The following TMEM17 variants were observed in gnomAD, a reference collection of about 807,000 sequenced individuals.
TMEM17 encodes the protein transmembrane protein 17.
Under a neutral mutation model 19.1 loss-of-function variants are expected in TMEM17, and 15 were observed. The ratio of observed to expected loss-of-function variants is 0.78; its 90% CI spans 0.52 to 1.21. The LOEUF (loss-of-function observed/expected upper bound fraction) is 1.21, where lower values mean the gene tolerates loss of function less well. TMEM17 is among the 50% of genes most tolerant of loss of function. TMEM17 has a pLI of 0.00. For synonymous variants in TMEM17, 103 were observed against 86.9 expected (o/e 1.19, Z -1.03); for missense variants, 245 against 242.3 (o/e 1.01, Z -0.07).
the TMEM17 span, among the ~76,000 whole-genome samples, chr2:62,489,944 G>A: frequency 1.3e-5 from 2 of 152,166 alleles, no homozygotes; most frequent in African/African-American, 4.8e-5. Flanking sequence ...GGAGGTCAAG[G>A]TGGGTGGATC....
At chr2:62,484,236 C>A in the TMEM17 span, among the ~76,000 whole-genome samples, 1 of 152,242 alleles carries the variant, frequency 6.6e-6, no homozygotes, top group Non-Finnish European at 1.5e-5. Flanking sequence ...ATGGTGGGAA[C>A]CTATATCTGC....
At chr2:62,476,780 T>A in the TMEM17 span, among the ~76,000 whole-genome samples, 23 of 152,330 alleles carry the variant, frequency 1.5e-4, no homozygotes, top group Non-Finnish European at 2.8e-4. Context: ...TCTCTATGAA[T>A]GTTAAAGACT....
At chr2:62,481,174 GT>G in the TMEM17 span, among the ~76,000 whole-genome samples, 1 of 151,830 alleles carries the variant, frequency 6.6e-6, no homozygotes, top group African/African-American at 2.4e-5. Flanking sequence ...CAGGTTTTGT[GT>G]TTTTTTGTTG....
the TMEM17 span, among the ~76,000 whole-genome samples, chr2:62,475,655 G>A: frequency 6.6e-6 from 1 of 152,238 alleles, no homozygotes; most frequent in Non-Finnish European, 1.5e-5. Context: ...ATTGTAAAGA[G>A]GAGAAAAGAA....
At chr2:62,469,250 A>C in the TMEM17 span, among the ~76,000 whole-genome samples, 1 of 152,258 alleles carries the variant, frequency 6.6e-6, no homozygotes, top group African/African-American at 2.4e-5. Context: ...GAGATTGCTA[A>C]CCTCTTCCCT....
chr2:62,491,356 A>T, the TMEM17 span: 1 of 152,216 alleles, frequency 6.6e-6, no homozygotes, highest in Admixed American at 6.6e-5. Flanking sequence ...GCCTAAGGAG[A>T]GGTGAACCAG....
the TMEM17 span, among the ~76,000 whole-genome samples, chr2:62,474,899 T>C: frequency 0.11 from 16,966 of 152,104 alleles, 1,221 homozygotes; most frequent in East Asian, 0.3. Flanking sequence ...TAACTTCAGA[T>C]AATAATAATG....
chr2:62,462,162 G>A, the TMEM17 span, among the ~76,000 whole-genome samples: 2 of 152,072 alleles, frequency 1.3e-5, no homozygotes, highest in Non-Finnish European at 2.9e-5. Context: ...GTCCCAGCCC[G>A]TGCCCCAGTC....
At chr2:62,491,664 T>A in the TMEM17 span, among the ~76,000 whole-genome samples, 1 of 152,202 alleles carries the variant, frequency 6.6e-6, no homozygotes, top group Non-Finnish European at 1.5e-5. Flanking sequence ...GGAAATGGTA[T>A]TATAATTATA....
At chr2:62,466,260 G>A in the TMEM17 span, among the ~76,000 whole-genome samples, 1 of 152,172 alleles carries the variant, frequency 6.6e-6, no homozygotes, top group Admixed American at 6.5e-5. Flanking sequence ...GGGGTTCTGT[G>A]GCTGGTGCTC....
the TMEM17 span, among the ~76,000 whole-genome samples, chr2:62,459,409 G>T: frequency 6.6e-6 from 1 of 152,164 alleles, no homozygotes; most frequent in Non-Finnish European, 1.5e-5. Flanking sequence ...CCTCAGGTTG[G>T]CCTGGGTCAT....
chr2:62,476,683 G>A, the TMEM17 span, among the ~76,000 whole-genome samples: 2 of 152,186 alleles, frequency 1.3e-5, no homozygotes, highest in Non-Finnish European at 2.9e-5. Context: ...GAGCAAGAAT[G>A]GTATCCAAAG....
chr2:62,488,493 GAA>G, the TMEM17 span, among the ~76,000 whole-genome samples: 148 of 119,200 alleles, frequency 1.2e-3, no homozygotes, highest in Middle Eastern at 4.2e-3. Flanking sequence ...GATGAGTTTT[GAA>G]AAAAAAAAAA....
the TMEM17 span, among the ~76,000 whole-genome samples, chr2:62,485,736 T>C: frequency 1.3e-5 from 2 of 152,204 alleles, no homozygotes; most frequent in Admixed American, 1.3e-4. Context: ...AAGTTGATTT[T>C]GGAGACACCA....
chr2:62,485,351 G>A, the TMEM17 span, among the ~76,000 whole-genome samples: 14 of 152,206 alleles, frequency 9.2e-5, no homozygotes, highest in East Asian at 2.7e-3. Flanking sequence ...TCTTTCTCCC[G>A]AAAACCTACT....
chr2:62,479,640 G>C, the TMEM17 span, among the ~76,000 whole-genome samples: 3 of 152,082 alleles, frequency 2.0e-5, no homozygotes, highest in Non-Finnish European at 2.9e-5. Flanking sequence ...AATCCCTGCA[G>C]TTTGGGAGGC....
chr2:62,457,056 G>C, the TMEM17 span, among the ~76,000 whole-genome samples: 2 of 152,208 alleles, frequency 1.3e-5, no homozygotes, highest in Non-Finnish European at 2.9e-5. This position sits in a 1 kb window ranked among gnomAD's most constrained non-coding sequence, Gnocchi z 4.2. Context: ...CCGCTTCCCG[G>C]TCCCGGGCCT....
At chr2:62,495,615 A>G (rs114924976), downstream of TMEM17, among the ~76,000 whole-genome samples, 1,465 of 152,332 alleles carry the variant, frequency 9.6e-3, 21 homozygotes, top group African/African-American at 0.033. Flanking sequence ...TATGACCAAA[A>G]TCTAACATAT....
At chr2:62,502,658 C>T in intron 2 of TMEM17, 33 bp downstream of exon 2, 1 of 1,532,992 alleles carries the variant, frequency 6.5e-7, no homozygotes, top group Non-Finnish European at 8.9e-7. Flanking sequence ...CTAACAACGT[C>T]AGGGCAGCAA....
Sources: gnomAD v4.1 joint callset for allele counts (sites outside exome capture counted in the v4.1 genomes callset) on GRCh38, gnomAD v4.1.1 for gene constraint, Gnocchi (gnomAD v3.1) non-coding constraint, MANE v1.5 for transcripts, NCBI Gene and HGNC (gene_info 2026-07-23, HGNC 2026-07-21) for gene names.